Variants in ILDR1 observed in about 807,000 individuals in gnomAD.
ILDR1 encodes immunoglobulin like domain containing receptor 1.
ILDR1 carries 56 observed loss-of-function variants against 62.4 expected under a neutral mutation model. That is an observed-to-expected ratio of 0.90 (90% CI 0.72 to 1.12). The LOEUF (loss-of-function observed/expected upper bound fraction) is 1.12. Ranked by LOEUF, ILDR1 falls within the 50% of genes most tolerant of loss-of-function variation. ILDR1 has a pLI of 0.00. For missense variants in ILDR1, 736 were observed against 710.6 expected (o/e 1.04, Z -0.41); for synonymous variants, 284 against 277.8 (o/e 1.02, Z -0.22).
At chr3:122,040,328 G>C in the ILDR1 span, among the ~76,000 whole-genome samples, 2 of 152,040 alleles carry the variant, frequency 1.3e-5, no homozygotes, top group South Asian at 2.1e-4. Context: ...TTTATTTCAA[G>C]TTGGGAAATG....
chr3:122,050,551 C>G, the ILDR1 span, among the ~76,000 whole-genome samples: 4 of 148,160 alleles, frequency 2.7e-5, no homozygotes, highest in South Asian at 6.8e-4. Flanking sequence ...TACTTCCCCC[C>G]CCCCACAGTT....
chr3:122,034,941 T>G, the ILDR1 span, among the ~76,000 whole-genome samples: 2 of 152,194 alleles, frequency 1.3e-5, no homozygotes, highest in Admixed American at 1.3e-4. Context: ...GCCCCCATGA[T>G]TCAGTCACCT....
At chr3:122,002,666 A>T (rs1422462137) in intron 3 of ILDR1, among the ~76,000 whole-genome samples, 1 of 151,964 alleles carries the variant, frequency 6.6e-6, no homozygotes, top group Non-Finnish European at 1.5e-5. Context: ...GGTTTGTTAC[A>T]CAGGTAAACA....
chr3:121,992,145 T>G (rs939225251), intron 7 of ILDR1, among the ~76,000 whole-genome samples: 1 of 151,522 alleles, frequency 6.6e-6, no homozygotes, highest in Non-Finnish European at 1.5e-5. Flanking sequence ...AATTATAAAT[T>G]TTTTTTTTGA....
intron 7 of ILDR1, among the ~76,000 whole-genome samples, chr3:121,992,077 T>C (rs2107640563): frequency 6.6e-6 from 1 of 152,332 alleles, no homozygotes; most frequent in East Asian, 1.9e-4. Flanking sequence ...TTTTGAGCAA[T>C]GGCAACATAT....
At chr3:122,006,716 A>G (rs1026412424) in intron 2 of ILDR1, among the ~76,000 whole-genome samples, 5 of 152,206 alleles carry the variant, frequency 3.3e-5, no homozygotes, top group African/African-American at 1.2e-4. Flanking sequence ...ACAGGGAGGC[A>G]GGACTTTTCC....
chr3:122,003,776 G>A (rs1233614625), intron 3 of ILDR1, among the ~76,000 whole-genome samples: 1 of 151,370 alleles, frequency 6.6e-6, no homozygotes, highest in African/African-American at 2.4e-5. Flanking sequence ...TTACCTTCAC[G>A]TTTTTAGAAA....
chr3:122,014,352 A>T (rs897839473), intron 1 of ILDR1, among the ~76,000 whole-genome samples: 1 of 152,176 alleles, frequency 6.6e-6, no homozygotes. Flanking sequence ...TGTTTTTTTT[A>T]AATTAATCAT....
the ILDR1 span, among the ~76,000 whole-genome samples, chr3:122,046,266 T>G: frequency 2.7e-5 from 4 of 150,110 alleles, no homozygotes; most frequent in East Asian, 7.8e-4. Context: ...TTCTGGCTTG[T>G]AGGGTTTCTG....
Position 121,988,030 on chromosome 3 carries a change from A to C in ILDR1, c.*337T>G. 2.6e-6 allele frequency: 1 copy of C among 378,046 alleles called. No homozygotes were observed. Among genetic ancestry groups the C allele is most frequent in the Non-Finnish European group, 5.1e-6 (1 of 196,318 alleles). The allele number at this position is 378,046 out of a possible 1,614,324, so 23.4% of individuals were successfully genotyped here. A position where few individuals can be genotyped will look rare whatever the true frequency, so the allele number is the denominator to read the frequency against. On this transcript the variant is annotated 3_prime_UTR_variant, in exon 8 of 8. Transcript: ENST00000344209. ...TGGGCTCAAGGGATCCTTCTGCCTC[A>C]GCCTCTTGAGTAGCTGGGACTACAA...
upstream of ILDR1, among the ~76,000 whole-genome samples, chr3:122,025,024 G>A (rs2071908632): frequency 6.6e-6 from 1 of 152,182 alleles, no homozygotes; most frequent in South Asian, 2.1e-4. Context: ...GTCCAATAAA[G>A]ATTAGATAAG....
the ILDR1 span, among the ~76,000 whole-genome samples, chr3:122,046,043 G>A: frequency 1.4e-5 from 2 of 148,048 alleles, no homozygotes; most frequent in African/African-American, 2.5e-5. Context: ...GCATGATTTT[G>A]CAGCGGCTGG....
At position 121,993,640 on chromosome 3, in the gene ILDR1, T is replaced by C. The variant is rs2071390709; in HGVS notation, c.1109A>G (p.His370Arg). 1.2e-6 allele frequency: 2 copies of C among 1,614,088 alleles called. No individual in the cohort carries two copies. The highest frequency in any genetic ancestry group is 1.7e-5 in the Admixed American group (1 of 60,002). Residue 370 changes from histidine (H) to arginine (R), a missense_variant, in exon 7 of 8, where the codon CAC (histidine) becomes CGC (arginine). His to Arg is a conservative substitution (Grantham distance 29). Coordinates refer to ENST00000344209, the MANE Select transcript of ILDR1 (RefSeq NM_001199799.2). ...CTGGTGGAAATCAGGGTAATGGTGG[T>C]GGCTTCTCCCCTCCCTCAGATCCCA... Reference protein sequence around the residue: ...RPWDLREGRSHHHYPDFHQEL... With the variant: ...RPWDLREGRSRHHYPDFHQEL...
chr3:122,010,558 A>C (rs2071688947), intron 1 of ILDR1, among the ~76,000 whole-genome samples: 1 of 152,100 alleles, frequency 6.6e-6, no homozygotes, highest in African/African-American at 2.4e-5. Flanking sequence ...GGCTTTCTTA[A>C]TCTAATTTTT....
chr3:122,059,535 C>CAAA, the ILDR1 span, among the ~76,000 whole-genome samples: 1 of 67,952 alleles, frequency 1.5e-5, no homozygotes, highest in East Asian at 4.5e-4. Flanking sequence ...GACTCCGTCT[C>CAAA]AAAAAAAAAA....
upstream of ILDR1, among the ~76,000 whole-genome samples, chr3:122,025,860 T>C (rs1415783491): frequency 2.0e-5 from 3 of 152,232 alleles, no homozygotes; most frequent in African/African-American, 7.2e-5. Context: ...CTATGTCTTA[T>C]GCATTTTGTA....
chr3:122,028,110 T>A, the ILDR1 span, among the ~76,000 whole-genome samples: 1 of 151,638 alleles, frequency 6.6e-6, no homozygotes. Context: ...GGCAGATCAC[T>A]AGGTCAGGAG....
chr3:122,054,007 G>A, the ILDR1 span, among the ~76,000 whole-genome samples: 1 of 151,974 alleles, frequency 6.6e-6, no homozygotes, highest in Non-Finnish European at 1.5e-5. Context: ...TTATATTATT[G>A]CTGTCTTCAT....
intron 1 of ILDR1, among the ~76,000 whole-genome samples, chr3:122,018,394 T>TGGGGGGG (rs535294009): frequency 1.9e-4 from 10 of 51,786 alleles, no homozygotes; most frequent in East Asian, 8.2e-4. Context: ...CCTGTTGGGG[T>TGGGGGGG]GGGGGGGGGG....
Sources: allele counts gnomAD v4.1 joint callset (sites outside exome capture counted in the v4.1 genomes callset), GRCh38; gene constraint gnomAD v4.1.1; transcripts MANE v1.5; gene names NCBI Gene and HGNC (gene_info 2026-07-23, HGNC 2026-07-21).